Variants in ZFHX3 observed in about 807,000 individuals in gnomAD.
The protein encoded by ZFHX3 is zinc finger homeobox 3.
A neutral mutation model predicts 279.1 loss-of-function variants in ZFHX3; 42 were observed. That is an observed-to-expected ratio of 0.15 (90% CI 0.12 to 0.19). The LOEUF is 0.19. Among genes scored for constraint, ZFHX3 ranks in the 10% least tolerant of loss-of-function variants. The pLI, the probability that ZFHX3 is intolerant of heterozygous loss-of-function variation, is 1.00. For synonymous variants in ZFHX3, 2,293 were observed against 1,957.8 expected (o/e 1.17, Z -4.52); for missense variants, 4,981 against 4,754.0 (o/e 1.05, Z -1.40).
intron 5 of ZFHX3, among the ~76,000 whole-genome samples, chr16:73,190,301 G>A (rs59195934): frequency 5.9e-5 from 9 of 151,932 alleles, no homozygotes; most frequent in African/African-American, 1.5e-4. Flanking sequence ...CATTGGCTTC[G>A]CCCACCCCCA....
chr16:73,143,764 G>A (rs773705154), exon 6 of ZFHX3: 9 of 1,305,346 alleles, frequency 6.9e-6, no homozygotes, highest in Middle Eastern at 2.1e-4. Context: ...CTCTAATTCC[G>A]GCAAAGCTGG....
In ZFHX3 at chr16:72,798,611, G is replaced by A; in HGVS notation, c.4071C>T (p.Asp1357=). The A allele has an allele frequency of 6.2e-7, 1 of 1,614,032 alleles. No homozygotes were observed. The highest frequency in any genetic ancestry group is 8.5e-7 in the Non-Finnish European group (1 of 1,180,018). The change falls in exon 9 of 10, where the codon GAC becomes GAT. Residue 1357 remains aspartate (D), a synonymous_variant. Coordinates refer to ENST00000268489, the MANE Select transcript of ZFHX3 (RefSeq NM_006885.4). ...CCTTCTTCCAGCAGATGAAGCCTGA[G>A]TCTTCTCTCACAGAGCCTGGGTCAG... The part of the protein sequence containing the change: ...SPADPGSVRE[D]SGFICWKKGC...
At chr16:73,359,997 A>G (rs1356958991) in intron 3 of ZFHX3, among the ~76,000 whole-genome samples, 2 of 152,158 alleles carry the variant, frequency 1.3e-5, no homozygotes, top group Admixed American at 1.3e-4. Flanking sequence ...TGTAAACCTG[A>G]GTAAGACATA....
In ZFHX3 at chr16:73,562,334, A is replaced by G. The variant is rs200259373; in HGVS notation, c.-1546-106076T>C. Among the ~76,000 whole-genome samples, 35 of 152,218 alleles carry G rather than the reference A, an allele frequency of 2.3e-4. No individual in the cohort carries two copies. In the East Asian group the frequency reaches 2.3e-3, roughly 10 times the overall value. Reference sequence around the variant, plus strand: ...TGAGAGGCCGGGCGCGGTGGCTCACACCTGTAATCCCAGCACTTTGGGAGG... The same window carrying G: ...TGAGAGGCCGGGCGCGGTGGCTCACGCCTGTAATCCCAGCACTTTGGGAGG... On this transcript the variant is annotated intron_variant, in intron 2 of 17. Transcript: ENST00000641206.
chr16:73,473,496 G>A (rs1013044029), intron 2 of ZFHX3, among the ~76,000 whole-genome samples: 3 of 152,056 alleles, frequency 2.0e-5, no homozygotes, highest in South Asian at 2.1e-4. Flanking sequence ...TCTGCCCAAC[G>A]CTTGAGAGTC....
At chr16:73,183,103 G>T (rs767788313) in intron 5 of ZFHX3, among the ~76,000 whole-genome samples, 49 of 152,302 alleles carry the variant, frequency 3.2e-4, no homozygotes, top group Non-Finnish European at 6.2e-4. Context: ...TACTCGGGAG[G>T]CTGAGACAGG....
intron 1 of ZFHX3, among the ~76,000 whole-genome samples, chr16:73,696,299 G>A (rs1468168663): frequency 6.6e-6 from 1 of 152,180 alleles, no homozygotes; most frequent in Non-Finnish European, 1.5e-5. Flanking sequence ...TTCCCCATAA[G>A]ATATGGGCAG....
At chr16:73,664,847 C>T (rs1055907554) in intron 2 of ZFHX3, among the ~76,000 whole-genome samples, 2 of 152,186 alleles carry the variant, frequency 1.3e-5, no homozygotes, top group African/African-American at 4.8e-5. Context: ...AATAACTTTT[C>T]CTTTCCGTAT....
chr16:73,563,067 C>T (rs191699787), intron 2 of ZFHX3, among the ~76,000 whole-genome samples: 4 of 152,096 alleles, frequency 2.6e-5, no homozygotes, highest in Admixed American at 6.5e-5. Flanking sequence ...TACCCAGGGT[C>T]TTTACAGACG....
chr16:73,208,916 G>GTAGAT (rs1266540060), intron 5 of ZFHX3, among the ~76,000 whole-genome samples: 1 of 152,158 alleles, frequency 6.6e-6, no homozygotes, highest in Non-Finnish European at 1.5e-5. Flanking sequence ...AACTCATCTG[G>GTAGAT]TAGATTAATA....
At chr16:73,197,195 G>A (rs886204383) in intron 5 of ZFHX3, among the ~76,000 whole-genome samples, 1 of 152,134 alleles carries the variant, frequency 6.6e-6, no homozygotes, top group African/African-American at 2.4e-5. Flanking sequence ...CTTATAATGT[G>A]TGGCCTCCTG....
intron 1 of ZFHX3, among the ~76,000 whole-genome samples, chr16:73,027,399 C>T (rs920783750): frequency 2.0e-5 from 3 of 152,206 alleles, no homozygotes; most frequent in Admixed American, 1.3e-4. Flanking sequence ...ACCCAGGCTC[C>T]AGGTATCTGA....
Position 72,794,412 on chromosome 16 carries a change from C to A in ZFHX3, c.8270G>T (p.Gly2757Val), listed in dbSNP as rs1272846728. The A allele has an allele frequency of 1.9e-6, 3 of 1,610,710 alleles. No individual in the cohort carries two copies. The highest frequency in any genetic ancestry group is 2.7e-5 in the African/African-American group (2 of 74,824). The change falls in exon 9 of 10, where the codon GGA becomes GTA. Residue 2757 changes from glycine (G) to valine (V), a missense_variant. Gly to Val is a moderately radical substitution (Grantham distance 109). Transcript: ENST00000268489. This position sits in a 1 kb window ranked among gnomAD's most constrained non-coding sequence, Gnocchi z 4.2. Reference sequence around the variant, plus strand: ...AAAAATATCTCCTTTCATCTGGAGTCCCCCATCACAGTCTAAGAGCATCGC... The same window carrying A: ...AAAAATATCTCCTTTCATCTGGAGTACCCCATCACAGTCTAAGAGCATCGC... ...LSAMLLDCDG[G>V]LQMKGDIFDG... is the part of the protein sequence containing the mutation.
intron 2 of ZFHX3, among the ~76,000 whole-genome samples, chr16:73,470,221 C>T (rs1353081103): frequency 6.6e-6 from 1 of 152,176 alleles, no homozygotes; most frequent in Non-Finnish European, 1.5e-5. Context: ...CTAATGTACA[C>T]TTTTCCTATA....
chr16:73,885,964 G>A (rs555947818), intron 1 of ZFHX3, among the ~76,000 whole-genome samples: 7 of 152,114 alleles, frequency 4.6e-5, no homozygotes, highest in Admixed American at 2.6e-4. Context: ...ATGTTAGAGC[G>A]AAGTTTTCCT....
At chr16:72,900,163 T>C (rs1477858665) in intron 3 of ZFHX3, among the ~76,000 whole-genome samples, 1 of 138,398 alleles carries the variant, frequency 7.2e-6, no homozygotes, top group Admixed American at 7.3e-5. Context: ...AAACAAGAAG[T>C]GTTTACTGGG....
chr16:73,329,753 G>C (rs2015764605), intron 3 of ZFHX3, among the ~76,000 whole-genome samples: 7 of 152,194 alleles, frequency 4.6e-5, no homozygotes, highest in Admixed American at 4.6e-4. Flanking sequence ...GCAAATCTAA[G>C]TAGGCACCAA....
chr16:73,504,546 G>C (rs1284700654), intron 2 of ZFHX3: 3 of 152,320 alleles, frequency 2.0e-5, no homozygotes, highest in African/African-American at 7.2e-5. Flanking sequence ...AGGGAGGAAG[G>C]AAAGAGAAGG....
chr16:72,847,354 C>T (rs759734055), intron 4 of ZFHX3, among the ~76,000 whole-genome samples: 1 of 152,134 alleles, frequency 6.6e-6, no homozygotes, highest in African/African-American at 2.4e-5. Flanking sequence ...GCTACTGGTG[C>T]CACCACCCTG....
Sources: gnomAD v4.1 joint callset for allele counts (sites outside exome capture counted in the v4.1 genomes callset) on GRCh38, gnomAD v4.1.1 for gene constraint, Gnocchi (gnomAD v3.1) non-coding constraint, MANE v1.5 for transcripts, NCBI Gene and HGNC (gene_info 2026-07-23, HGNC 2026-07-21) for gene names.